Variants in FZD3 observed in about 807,000 individuals in gnomAD.
FZD3 encodes the protein frizzled-3.
FZD3 carries 30 observed loss-of-function variants against 60.7 expected under a neutral mutation model. The observed-to-expected ratio is 0.49, with a 90% CI of 0.37 to 0.67. The LOEUF is 0.67. FZD3 is among the 30% of genes least tolerant of loss of function. The pLI, the probability that FZD3 is intolerant of heterozygous loss-of-function variation, is 0.00. For missense variants in FZD3, 605 were observed against 838.7 expected (o/e 0.72, Z 3.44); for synonymous variants, 246 against 275.2 (o/e 0.89, Z 1.05).
Position 28,535,993 on chromosome 8 carries a change from G to A in FZD3, c.1404+7829G>A, listed in dbSNP as rs569164857. On this transcript the variant is annotated intron_variant, in intron 5 of 7. Transcript: ENST00000240093. ...TGACTTGTTGCTACCATTCCTTCAT[G>A]TAAAATGCAGAAAATAATATGTTAA... Among the ~76,000 whole-genome samples, 71 of 152,282 alleles carry A rather than the reference G, an allele frequency of 4.7e-4. 1 individual carries two copies. The highest frequency in any genetic ancestry group is 1.4e-3 in the African/African-American group (59 of 41,546).
intron 3 of FZD3, among the ~76,000 whole-genome samples, chr8:28,505,371 A>G (rs370599228): frequency 6.6e-5 from 10 of 150,660 alleles, no homozygotes; most frequent in African/African-American, 2.2e-4. Context: ...TTTTTTTTTG[A>G]GACATGGTCT....
chr8:28,497,379 C>G (rs1054595573), intron 1 of FZD3, among the ~76,000 whole-genome samples: 3 of 152,154 alleles, frequency 2.0e-5, no homozygotes, highest in African/African-American at 7.2e-5. Context: ...ACTATATAGA[C>G]TTTAAGAGAA....
At chr8:28,514,541 C>T (rs540716579) in intron 3 of FZD3, among the ~76,000 whole-genome samples, 4 of 152,208 alleles carry the variant, frequency 2.6e-5, no homozygotes, top group South Asian at 2.1e-4. Flanking sequence ...GTAGTCACCC[C>T]GCTCTCTACT....
Position 28,501,158 on chromosome 8 carries a change from GAGGCGCTTT to G in FZD3, c.-345+1184_-345+1192del, listed in dbSNP as rs888965439. Among the ~76,000 whole-genome samples the G allele has an allele frequency of 2.6e-4, 39 of 152,322 alleles. 1 individual carries two copies. The highest frequency in any genetic ancestry group is 9.1e-4 in the African/African-American group (38 of 41,580). ...TTCAGAAATTTCTGATGTAGAACAT[GAGGCGCTTT>G]AGGGCTTTTTGAGCAGGGTTTGCTT... On this transcript the variant is annotated intron_variant, in intron 2 of 7. Transcript: ENST00000240093.
chr8:28,499,312 G>T (rs1803929252), intron 1 of FZD3, among the ~76,000 whole-genome samples: 1 of 151,648 alleles, frequency 6.6e-6, no homozygotes, highest in South Asian at 2.1e-4. Flanking sequence ...TTTATTTATT[G>T]TTACTATCTT....
chr8:28,555,357 T>C (rs1805489406), intron 6 of FZD3, among the ~76,000 whole-genome samples: 1 of 152,206 alleles, frequency 6.6e-6, no homozygotes, highest in African/African-American at 2.4e-5. Context: ...GTCTTGAGAA[T>C]GATAGATTTC....
At chr8:28,512,377 T>C (rs1464475775) in intron 3 of FZD3, among the ~76,000 whole-genome samples, 1 of 152,146 alleles carries the variant, frequency 6.6e-6, no homozygotes, top group Admixed American at 6.5e-5. Context: ...CATCCTGGTT[T>C]GGTTGAAAAA....
chr8:28,552,109 T>C (rs1489527207), intron 6 of FZD3, among the ~76,000 whole-genome samples: 1 of 152,212 alleles, frequency 6.6e-6, no homozygotes, highest in Admixed American at 6.5e-5. Context: ...GGTTGACATA[T>C]ATTCTCATCT....
chr8:28,511,569 G>A (rs1352176302), intron 3 of FZD3, among the ~76,000 whole-genome samples: 5 of 152,146 alleles, frequency 3.3e-5, no homozygotes, highest in Admixed American at 3.3e-4. Flanking sequence ...TCACAAATTG[G>A]CTTCTACTTA....
intron 3 of FZD3, among the ~76,000 whole-genome samples, chr8:28,506,992 C>T (rs938099747): frequency 1.6e-4 from 24 of 152,248 alleles, no homozygotes; most frequent in African/African-American, 5.8e-4. Context: ...TCTGGGTCAC[C>T]TTGAAACAAA....
rs940522068 is a variant in FZD3 at position 28,496,088 on chromosome 8, T to A, written c.-391+1745T>A. 5.3e-4 allele frequency among the ~76,000 whole-genome samples: 80 copies of A among 152,300 alleles called. 3 individuals are homozygous for A. The South Asian group carries it at 0.013, about 25-fold the overall frequency. ...CTTTGAGCATTTAGGTGGCTATTTC[T>A]TGGGAGTTCCGTGATTGAGATATTT... On this transcript the variant is annotated intron_variant, in intron 1 of 7. Transcript: ENST00000240093.
Position 28,562,801 on chromosome 8 carries a change from C to T in FZD3, c.1791C>T (p.Tyr597=), listed in dbSNP as rs747278114. Residue 597 remains tyrosine (Y), a synonymous_variant, in exon 8 of 8, where the codon TAC becomes TAT. Coordinates refer to ENST00000240093, the MANE Select transcript of FZD3 (RefSeq NM_017412.4). The part of the protein sequence containing the change: ...GSLHRSRDGR[Y]TPCSYRGMEE... ...TCAAAATAAACTCTCATGACAGGTACACGCCCTGCAGTTACAGAGGAATGG... is the reference window on the plus strand; with the variant it reads ...TCAAAATAAACTCTCATGACAGGTATACGCCCTGCAGTTACAGAGGAATGG... 2 of 1,591,336 alleles carry T rather than the reference C, an allele frequency of 1.3e-6. No individual in the cohort carries two copies. Among genetic ancestry groups the T allele is most frequent in the East Asian group, 2.3e-5 (1 of 44,444 alleles).
At chr8:28,519,743 A>C (rs1804523884) in intron 3 of FZD3, among the ~76,000 whole-genome samples, 1 of 151,174 alleles carries the variant, frequency 6.6e-6, no homozygotes, top group Non-Finnish European at 1.5e-5. Context: ...AAAAAAAAAA[A>C]AAAAACCAAG....
intron 3 of FZD3, among the ~76,000 whole-genome samples, chr8:28,518,248 T>G (rs1452758931): frequency 6.7e-6 from 1 of 149,876 alleles, no homozygotes; most frequent in African/African-American, 2.5e-5. Flanking sequence ...TAAGTAGAGA[T>G]AGTCTTGCTG....
Position 28,570,431 on chromosome 8 carries a change from C to G in FZD3, c.*7420C>G, listed in dbSNP as rs968397185. 3.3e-5 allele frequency: 5 copies of G among 152,330 alleles called. No individual in the cohort carries two copies. The highest frequency in any genetic ancestry group is 1.2e-4 in the African/African-American group (5 of 41,446). 9.4% of individuals were successfully genotyped at this position (152,330 alleles called of 1,614,324 possible). A position where few individuals can be genotyped will look rare whatever the true frequency, so the allele number is the denominator to read the frequency against. On this transcript the variant is annotated 3_prime_UTR_variant, in exon 8 of 8. Coordinates refer to ENST00000240093, the MANE Select transcript of FZD3 (RefSeq NM_017412.4). ...CACGAGGTCAGGAGATCAAGACCGT[C>G]CTGGCTAACATGGTGAGACCCTGTC...
intron 3 of FZD3, among the ~76,000 whole-genome samples, chr8:28,517,287 T>C (rs1275537183): frequency 1.3e-5 from 2 of 152,246 alleles, no homozygotes; most frequent in East Asian, 3.8e-4. Context: ...TGTGGTTTTC[T>C]GAAGTCAGCT....
chr8:28,553,817 GATA>G (rs1298797504), intron 6 of FZD3, among the ~76,000 whole-genome samples: 7 of 152,182 alleles, frequency 4.6e-5, no homozygotes, highest in African/African-American at 1.7e-4. Context: ...ACGACTATAA[GATA>G]ATAATAATGG....
In FZD3 at chr8:28,555,788, C is replaced by G; in HGVS notation, c.1604C>G (p.Ser535Cys). 1 of 1,613,782 alleles carries G rather than the reference C, an allele frequency of 6.2e-7. No homozygotes were observed. Among genetic ancestry groups the G allele is most frequent in the Non-Finnish European group, 8.5e-7 (1 of 1,179,694 alleles). Residue 535 changes from serine (S) to cysteine (C), a missense_variant, in exon 7 of 8, where the codon TCT becomes TGT. Transcript: ENST00000240093. ...QVLQEPDFAQ[S>C]LLRDPNTPII... is the part of the protein sequence containing the mutation. The stretch of plus-strand genomic sequence containing the variant: ...CTCCAGGAACCTGATTTTGCTCAGT[C>G]TCTCCTGAGGGATCCAAATACTCCT...
At chr8:28,498,570 T>G (rs1338654674) in intron 1 of FZD3, among the ~76,000 whole-genome samples, 1 of 152,152 alleles carries the variant, frequency 6.6e-6, no homozygotes, top group African/African-American at 2.4e-5. Flanking sequence ...ATCAAAAGTT[T>G]TTATTTTTTT....
Sources: allele counts gnomAD v4.1 joint callset (sites outside exome capture counted in the v4.1 genomes callset), GRCh38; gene constraint gnomAD v4.1.1; transcripts MANE v1.5; gene names NCBI Gene and HGNC (gene_info 2026-07-23, HGNC 2026-07-21).